LHPP: variants seen among roughly 807,000 people sequenced by gnomAD.
The protein encoded by LHPP is phospholysine phosphohistidine inorganic pyrophosphate phosphatase.
A neutral mutation model predicts 30.3 loss-of-function variants in LHPP; 24 were observed. The ratio of observed to expected loss-of-function variants is 0.79; its 90% CI spans 0.57 to 1.11. The LOEUF (loss-of-function observed/expected upper bound fraction) is 1.11. Among genes scored for constraint, LHPP ranks in the 50% most tolerant of loss-of-function variants. The pLI is 0.00. For synonymous variants in LHPP, 150 were observed against 157.1 expected (o/e 0.95, Z 0.34); for missense variants, 356 against 367.2 (o/e 0.97, Z 0.25).
rs1213993056 is a variant in LHPP at position 124,592,444 on chromosome 10, T to G, written c.717-20820T>G. Among the ~76,000 whole-genome samples the G allele has an allele frequency of 6.6e-6, 1 of 152,210 alleles. No homozygotes were observed. Among genetic ancestry groups the G allele is most frequent in the Non-Finnish European group, 1.5e-5 (1 of 68,026 alleles). On this transcript the variant is annotated intron_variant, in intron 6 of 6. Coordinates refer to ENST00000368842, the MANE Select transcript of LHPP (RefSeq NM_022126.4). This position sits in a 1 kb window ranked among gnomAD's most constrained non-coding sequence, Gnocchi z 6.2. ...TTTCATGATGAGACCCTGAGGTCAC[T>G]GGCGGGGAAAATGAGTCACTGGGGC...
rs1358717187 is a variant in LHPP, at chr10:124,496,559, G to C, written c.468-402G>C. On this transcript the variant is annotated intron_variant, in intron 3 of 6. Coordinates refer to ENST00000368842, the MANE Select transcript of LHPP (RefSeq NM_022126.4). The surrounding 1 kb of genome is among the most constrained non-coding windows in gnomAD (Gnocchi z 4.3). Reference sequence around the variant, plus strand: ...ATTAGGGGTTAATTATTAGCAATTAGGGGTTCGCCACATACCCCGTGGACC... The same window carrying C: ...ATTAGGGGTTAATTATTAGCAATTACGGGTTCGCCACATACCCCGTGGACC... Among the ~76,000 whole-genome samples the C allele has an allele frequency of 6.6e-6, 1 of 152,232 alleles. No homozygotes were observed. Among genetic ancestry groups the C allele is most frequent in the East Asian group, 1.9e-4 (1 of 5,198 alleles).
intron 5 of LHPP, among the ~76,000 whole-genome samples, chr10:124,515,998 G>A (rs571523026): frequency 6.6e-6 from 1 of 152,334 alleles, no homozygotes; most frequent in South Asian, 2.1e-4. Flanking sequence ...TGTGGACTCT[G>A]CTCCTGGGTC....
Position 124,593,349 on chromosome 10 carries a change from C to G in LHPP, c.717-19915C>G, listed in dbSNP as rs753031456. 5.3e-5 allele frequency among the ~76,000 whole-genome samples: 8 copies of G among 152,298 alleles called. No individual in the cohort carries two copies. The East Asian group carries it at 1.5e-3, about 29-fold the overall frequency. ...CAGACTCTTATCCTCTTAGGTACAG[C>G]CTCCCTGGCCGCCTCGGATGAGCAT... On this transcript the variant is annotated intron_variant, in intron 6 of 6. Transcript: ENST00000368842. This position sits in a 1 kb window ranked among gnomAD's most constrained non-coding sequence, Gnocchi z 4.9.
At chr10:124,561,375 TC>T (rs926123977) in intron 6 of LHPP, among the ~76,000 whole-genome samples, 1 of 151,590 alleles carries the variant, frequency 6.6e-6, no homozygotes, top group Non-Finnish European at 1.5e-5. Context: ...GGGAATGAGG[TC>T]CCCCAGCTGG....
intron 2 of LHPP, among the ~76,000 whole-genome samples, chr10:124,485,219 A>T (rs1953286598): frequency 6.6e-6 from 1 of 152,200 alleles, no homozygotes; most frequent in South Asian, 2.1e-4. Context: ...CTTCTCTGTA[A>T]TCTAGGATCC....
chr10:124,606,946 CCT>C (rs1949103186), intron 6 of LHPP, among the ~76,000 whole-genome samples: 1 of 152,108 alleles, frequency 6.6e-6, no homozygotes, highest in African/African-American at 2.4e-5. Context: ...ACTCGCCTGC[CCT>C]CTCTCTGCCC....
At chr10:124,569,787 GCAAGGTGTCTCTGTTC>G (rs1436768698) in intron 6 of LHPP, among the ~76,000 whole-genome samples, 1 of 152,246 alleles carries the variant, frequency 6.6e-6, no homozygotes, top group Non-Finnish European at 1.5e-5. Flanking sequence ...CCAGTCACAA[GCAAGGTGTCTCTGTTC>G]TCTCTTCTAC....
chr10:124,493,734 T>A (rs963424940), intron 3 of LHPP: 1 of 152,214 alleles, frequency 6.6e-6, no homozygotes, highest in Non-Finnish European at 1.5e-5. Flanking sequence ...CACGGGTTCC[T>A]CTTTGTGGCT....
chr10:124,613,238 G>C, intron 6 of LHPP, 26 bp from the exon 7 acceptor site: 4 of 1,583,428 alleles, frequency 2.5e-6, no homozygotes, highest in Non-Finnish European at 3.5e-6. Flanking sequence ...TGGGGGCACT[G>C]ACTAACCTCC....
chr10:124,606,205 G>A (rs1949090687), intron 6 of LHPP, among the ~76,000 whole-genome samples: 1 of 152,012 alleles, frequency 6.6e-6, no homozygotes. Context: ...TCCCAGCCAG[G>A]CCCCGAGGGC....
Position 124,601,080 on chromosome 10 carries a change from G to C in LHPP, c.717-12184G>C, listed in dbSNP as rs142580877. Among the ~76,000 whole-genome samples the C allele has an allele frequency of 1.9e-3, 291 of 152,310 alleles. 2 individuals are homozygous for C. Among genetic ancestry groups the C allele is most frequent in the African/African-American group, 6.2e-3 (258 of 41,586 alleles). On this transcript the variant is annotated intron_variant, in intron 6 of 6. Coordinates refer to ENST00000368842, the MANE Select transcript of LHPP (RefSeq NM_022126.4). ...GAAGACTTCCTGGAGGAGGTGACTT[G>C]TTCTTAGGGAATGAGGCCCAGGGAG...
At position 124,523,459 on chromosome 10, in the gene LHPP, G is replaced by A. The variant is rs1380533323; in HGVS notation, c.716+6188G>A. Among the ~76,000 whole-genome samples, 2 of 152,236 alleles carry A rather than the reference G, an allele frequency of 1.3e-5. No individual in the cohort carries two copies. Among genetic ancestry groups the A allele is most frequent in the African/African-American group, 4.8e-5 (2 of 41,462 alleles). ...GACCTTGGAAGCGGCTGCCGTCAAA[G>A]CAGCAGCTTGTCCTGGGTCTTCCCA... is the stretch of plus-strand genomic sequence containing the variant. On this transcript the variant is annotated intron_variant, in intron 6 of 6. Transcript: ENST00000368842. This position sits in a 1 kb window ranked among gnomAD's most constrained non-coding sequence, Gnocchi z 4.2.
chr10:124,544,316 G>A (rs1955278736), intron 6 of LHPP, among the ~76,000 whole-genome samples: 1 of 152,356 alleles, frequency 6.6e-6, no homozygotes, highest in Non-Finnish European at 1.5e-5. Flanking sequence ...GGGTGGGAGG[G>A]ACTGTGCTCC....
chr10:124,588,054 C>A (rs571716656), intron 6 of LHPP, among the ~76,000 whole-genome samples: 2 of 152,366 alleles, frequency 1.3e-5, no homozygotes, highest in African/African-American at 4.8e-5. Context: ...GCCACTGCCC[C>A]TCTCCAGGCA....
intron 6 of LHPP, among the ~76,000 whole-genome samples, chr10:124,610,981 TGGTGGA>T (rs1949186720): frequency 2.0e-5 from 1 of 51,042 alleles, no homozygotes; most frequent in Non-Finnish European, 4.2e-5. Context: ...GTGAGGGTGC[TGGTGGA>T]GCGGGTGAGG....
chr10:124,601,160 A>C (rs955939322), intron 6 of LHPP, among the ~76,000 whole-genome samples: 2 of 152,174 alleles, frequency 1.3e-5, no homozygotes, highest in Non-Finnish European at 2.9e-5. Flanking sequence ...GGTAGGGGGA[A>C]GTGCACTAGA....
intron 6 of LHPP, among the ~76,000 whole-genome samples, chr10:124,595,958 T>G (rs1407782281): frequency 1.3e-5 from 2 of 152,026 alleles, no homozygotes; most frequent in Admixed American, 6.5e-5. Context: ...CAGTCAACAC[T>G]CTTCTCCAGA....
chr10:124,603,616 G>A (rs764153141), intron 6 of LHPP, among the ~76,000 whole-genome samples: 5 of 152,196 alleles, frequency 3.3e-5, no homozygotes, highest in Non-Finnish European at 5.9e-5. Context: ...GGTCCTGTAT[G>A]TGTGAGCAGG....
At position 124,590,986 on chromosome 10, in the gene LHPP, C is replaced by T. The variant is rs1002232724; in HGVS notation, c.717-22278C>T. 2.6e-5 allele frequency among the ~76,000 whole-genome samples: 4 copies of T among 152,324 alleles called. No homozygotes were observed. The East Asian group carries it at 7.7e-4, about 29-fold the overall frequency. Reference sequence around the variant, plus strand: ...CATCCTGGGGCCTGAGAGCATCATTCCTTTGTGAGACTCAAATGTGAGGAA... The same window carrying T: ...CATCCTGGGGCCTGAGAGCATCATTTCTTTGTGAGACTCAAATGTGAGGAA... On this transcript the variant is annotated intron_variant, in intron 6 of 6. Transcript: ENST00000368842. The surrounding 1 kb of genome is among the most constrained non-coding windows in gnomAD (Gnocchi z 4.3).
Sources: gnomAD v4.1 joint callset for allele counts (sites outside exome capture counted in the v4.1 genomes callset) on GRCh38, gnomAD v4.1.1 for gene constraint, Gnocchi (gnomAD v3.1) non-coding constraint, MANE v1.5 for transcripts, NCBI Gene and HGNC (gene_info 2026-07-23, HGNC 2026-07-21) for gene names.